The following KCNH1 variants were observed in gnomAD, a reference collection of about 807,000 sequenced individuals.
The protein encoded by KCNH1 is voltage-gated delayed rectifier potassium channel KCNH1.
Under a neutral mutation model 69.2 loss-of-function variants are expected in KCNH1, and 27 were observed. The observed-to-expected ratio is 0.39, with a 90% CI of 0.29 to 0.54. The LOEUF is 0.54. Ranked by LOEUF, KCNH1 falls within the 20% of genes least tolerant of loss-of-function variation. KCNH1 has a pLI of 0.68. For synonymous variants in KCNH1, 456 were observed against 487.7 expected (o/e 0.93, Z 0.86); for missense variants, 798 against 1,261.6 (o/e 0.63, Z 5.57).
rs184823735 is a variant in KCNH1, at chr1:210,807,835, A to G, written c.1463-3669T>C. ...GTAATCTTATTCAGTGTTAGCTGAC[A>G]TACTATGGGAGGCAAAAAAATAAGA... is the stretch of plus-strand genomic sequence containing the variant. On this transcript the variant is annotated intron_variant, in intron 7 of 10. Transcript: ENST00000271751. 2.3e-4 allele frequency among the ~76,000 whole-genome samples: 35 copies of G among 152,300 alleles called. No homozygotes were observed. The East Asian group carries it at 6.2e-3, about 27-fold the overall frequency.
chr1:210,685,890 G>A (rs181601212), intron 10 of KCNH1, among the ~76,000 whole-genome samples: 1 of 152,310 alleles, frequency 6.6e-6, no homozygotes, highest in Admixed American at 6.5e-5. Flanking sequence ...TCAGCAAATC[G>A]CTGGCAGACT....
chr1:210,849,730 T>G (rs979983401), intron 7 of KCNH1, among the ~76,000 whole-genome samples: 1 of 151,996 alleles, frequency 6.6e-6, no homozygotes, highest in Non-Finnish European at 1.5e-5. Context: ...AAAGAATAGC[T>G]ACTTAGATGG....
intron 7 of KCNH1, among the ~76,000 whole-genome samples, chr1:210,857,867 T>C (rs1245332586): frequency 6.6e-6 from 1 of 152,210 alleles, no homozygotes; most frequent in African/African-American, 2.4e-5. Flanking sequence ...GGCTTGTTTT[T>C]GCAGTGGTAT....
rs540197122 is a variant in KCNH1 at position 210,984,486 on chromosome 1, G to A, written c.1032+34297C>T. ...TTATTGAGAGATTTTAGCATGAAGCGTTGTTGAATTTTGTCAAAGGTCTTT... is the reference window on the plus strand; with the variant it reads ...TTATTGAGAGATTTTAGCATGAAGCATTGTTGAATTTTGTCAAAGGTCTTT... On this transcript the variant is annotated intron_variant, in intron 6 of 10. Transcript: ENST00000271751. 1.2e-4 allele frequency among the ~76,000 whole-genome samples: 18 copies of A among 152,312 alleles called. No homozygotes were observed. In the East Asian group the frequency reaches 1.3e-3, roughly 11 times the overall value.
chr1:210,736,504 G>A (rs866791717), intron 10 of KCNH1, among the ~76,000 whole-genome samples: 2 of 151,782 alleles, frequency 1.3e-5, no homozygotes, highest in Non-Finnish European at 2.9e-5. Flanking sequence ...CAGAGATCGC[G>A]CCATTGCACT....
intron 7 of KCNH1, among the ~76,000 whole-genome samples, chr1:210,851,125 C>A (rs1208575251): frequency 1.3e-5 from 2 of 152,228 alleles, no homozygotes; most frequent in Non-Finnish European, 2.9e-5. Context: ...AGCTTTCTCT[C>A]TGAGTTGACT....
At chr1:210,882,883 G>A (rs1324071999) in intron 7 of KCNH1, among the ~76,000 whole-genome samples, 1 of 152,190 alleles carries the variant, frequency 6.6e-6, no homozygotes, top group Non-Finnish European at 1.5e-5. Flanking sequence ...AGAAGCAAAA[G>A]CGTCATCACA....
intron 8 of KCNH1, among the ~76,000 whole-genome samples, chr1:210,800,802 T>G (rs1169654840): frequency 6.6e-6 from 1 of 151,954 alleles, no homozygotes; most frequent in Non-Finnish European, 1.5e-5. Flanking sequence ...CAAAGGGAGA[T>G]ATCAACGTGG....
intron 7 of KCNH1, among the ~76,000 whole-genome samples, chr1:210,850,009 G>GA (rs1170974669): frequency 2.6e-4 from 39 of 151,464 alleles, no homozygotes; most frequent in African/African-American, 8.5e-4. Flanking sequence ...AAAATGTGGG[G>GA]AAAAAAAAGA....
intron 6 of KCNH1, among the ~76,000 whole-genome samples, chr1:211,011,877 A>C (rs1689402203): frequency 6.6e-6 from 1 of 152,256 alleles, no homozygotes; most frequent in South Asian, 2.1e-4. Flanking sequence ...AGTCAGGAGA[A>C]AGACTGATAA....
At chr1:210,938,074 G>A (rs182612894) in intron 6 of KCNH1, among the ~76,000 whole-genome samples, 1 of 152,272 alleles carries the variant, frequency 6.6e-6, no homozygotes, top group East Asian at 1.9e-4. Flanking sequence ...GAATGTCCAT[G>A]GGTTTGGCAT....
At chr1:210,974,386 G>T (rs1688563803) in intron 6 of KCNH1, among the ~76,000 whole-genome samples, 1 of 151,918 alleles carries the variant, frequency 6.6e-6, no homozygotes, top group Admixed American at 6.6e-5. Flanking sequence ...TTTTGGTAAT[G>T]GTGAATAATT....
chr1:210,771,037 T>C (rs148868327), intron 10 of KCNH1, among the ~76,000 whole-genome samples: 2 of 152,168 alleles, frequency 1.3e-5, no homozygotes, highest in Non-Finnish European at 2.9e-5. Flanking sequence ...TGTAATAAGC[T>C]GACATACACG....
In KCNH1 at chr1:210,807,835, A is replaced by T. The variant is rs184823735; in HGVS notation, c.1463-3669T>A. 3.9e-5 allele frequency among the ~76,000 whole-genome samples: 6 copies of T among 152,184 alleles called. No homozygotes were observed. In the East Asian group the frequency reaches 1.2e-3, roughly 29 times the overall value. On this transcript the variant is annotated intron_variant, in intron 7 of 10. Transcript: ENST00000271751. The stretch of plus-strand genomic sequence containing the variant: ...GTAATCTTATTCAGTGTTAGCTGAC[A>T]TACTATGGGAGGCAAAAAAATAAGA...
chr1:210,857,315 AG>A (rs1685874819), intron 7 of KCNH1, among the ~76,000 whole-genome samples: 1 of 152,218 alleles, frequency 6.6e-6, no homozygotes, highest in Non-Finnish European at 1.5e-5. Context: ...GAGGCCTTAC[AG>A]GCACTTTAAA....
chr1:210,704,255 G>T (rs111784363), intron 10 of KCNH1, among the ~76,000 whole-genome samples: 10 of 152,232 alleles, frequency 6.6e-5, no homozygotes, highest in Admixed American at 2.6e-4. Context: ...ATAGCAGGAG[G>T]GTCCTTGACT....
intron 5 of KCNH1, among the ~76,000 whole-genome samples, chr1:211,033,677 C>T (rs1689837370): frequency 6.6e-6 from 1 of 151,956 alleles, no homozygotes; most frequent in African/African-American, 2.4e-5. Context: ...AAAAACAGAA[C>T]ACCGCATATT....
intron 5 of KCNH1, 38 bp downstream of exon 5, chr1:211,082,742 A>C (rs1235407521): frequency 1.3e-6 from 2 of 1,547,170 alleles, no homozygotes; most frequent in East Asian, 4.5e-5. Context: ...GCACCCCCTA[A>C]AAGTGAGGCT....
chr1:210,683,601 T>C lies in KCNH1; in HGVS notation c.2650A>G (p.Ile884Val). ...LKKTDSCDSG[I>V]TKSDLRLDNV... The stretch of plus-strand genomic sequence containing the variant: ...TCCAGGCGCAAGTCGCTCTTGGTGA[T>C]GCCACTGTCACACGAGTCTGTCTTC... Residue 884 changes from isoleucine (I) to valine (V), a missense_variant, in exon 11 of 11, where the codon ATC becomes GTC. Coordinates refer to ENST00000271751, the MANE Select transcript of KCNH1 (RefSeq NM_172362.3). This position sits in a 1 kb window ranked among gnomAD's most constrained non-coding sequence, Gnocchi z 5.7. The C allele has an allele frequency of 6.2e-7, 1 of 1,614,200 alleles. No homozygotes were observed. Among genetic ancestry groups the C allele is most frequent in the Non-Finnish European group, 8.5e-7 (1 of 1,180,042 alleles).
Sources: allele counts gnomAD v4.1 joint callset (sites outside exome capture counted in the v4.1 genomes callset), GRCh38; gene constraint gnomAD v4.1.1; non-coding constraint Gnocchi (gnomAD v3.1); transcripts MANE v1.5; gene names NCBI Gene and HGNC (gene_info 2026-07-23, HGNC 2026-07-21).